Variants in SCN7A observed in about 807,000 individuals in gnomAD.
SCN7A encodes sodium voltage-gated channel alpha subunit 7, also known as sodium channel protein type 7 subunit alpha.
Under a neutral mutation model 155.2 loss-of-function variants are expected in SCN7A, and 138 were observed. The ratio of observed to expected loss-of-function variants is 0.89; its 90% CI spans 0.77 to 1.02. The LOEUF is 1.02. SCN7A is among the 50% of genes least tolerant of loss of function. The pLI is 0.00. For missense variants in SCN7A, 2,058 were observed against 1,986.6 expected (o/e 1.04, Z -0.68); for synonymous variants, 693 against 649.0 (o/e 1.07, Z -1.03).
intron 15 of SCN7A, among the ~76,000 whole-genome samples, chr2:166,439,335 A>G (rs1168722649): frequency 1.3e-5 from 2 of 152,034 alleles, no homozygotes; most frequent in Non-Finnish European, 2.9e-5. Flanking sequence ...AAGAATGGGC[A>G]TGTGATTCAG....
Position 166,457,072 on chromosome 2 carries a change from A to G in SCN7A, c.1088T>C (p.Leu363Pro). The G allele has an allele frequency of 6.2e-6, 10 of 1,600,624 alleles. No homozygotes were observed. The highest frequency in any genetic ancestry group is 8.5e-6 in the Non-Finnish European group (10 of 1,172,708). ...CATGTAGACCTTCCCAGAAGCATAA[A>G]GTATCTAAGGAAAGGTAGAAAGTAA... ...DYPEVLYHQI[L>P]YASGKVYMIF... The change falls in exon 11 of 26, where the codon CTT becomes CCT. Residue 363 changes from leucine (L) to proline (P), a missense_variant. Transcript: ENST00000643258.
At chr2:166,475,041 T>C (rs1240778499) in intron 3 of SCN7A, among the ~76,000 whole-genome samples, 2 of 143,232 alleles carry the variant, frequency 1.4e-5, no homozygotes, top group Non-Finnish European at 3.1e-5. Flanking sequence ...TATATATATA[T>C]ACCTGTAAAT....
At chr2:166,460,151 G>T (rs1702370330) in intron 10 of SCN7A, among the ~76,000 whole-genome samples, 1 of 152,100 alleles carries the variant, frequency 6.6e-6, no homozygotes, top group South Asian at 2.1e-4. Flanking sequence ...AAAACTTGGA[G>T]TACAATAATG....
Position 166,416,867 on chromosome 2 carries a change from T to C in SCN7A, c.3254A>G (p.Tyr1085Cys), listed in dbSNP as rs1701389408. 1.2e-6 allele frequency: 2 copies of C among 1,613,634 alleles called. No homozygotes were observed. The highest frequency in any genetic ancestry group is 1.7e-6 in the Non-Finnish European group (2 of 1,179,716). Residue 1085 changes from tyrosine to cysteine, a missense_variant, in exon 21 of 26, where the codon TAT becomes TGT. By Grantham distance (194) the Tyr-to-Cys change is radical. Coordinates refer to ENST00000643258, the MANE Select transcript of SCN7A (RefSeq NM_002976.4). ...TCCACTTGTTGGGTCAATGCATTCATAGAATCTGCCAGCAAATAAGTCTAC... is the reference window on the plus strand; with the variant it reads ...TCCACTTGTTGGGTCAATGCATTCACAGAATCTGCCAGCAAATAAGTCTAC... ...MGVDLFAGRF[Y>C]ECIDPTSGER...
rs150995743 is a variant in SCN7A, at chr2:166,448,454, C to T, written c.1291-746G>A. ...TTTCTTCAATATGCTGACTTTCTTT[C>T]TTTTGAGTACATACCCTGCAGTGGG... On this transcript the variant is annotated intron_variant, in intron 11 of 25. Coordinates refer to ENST00000643258, the MANE Select transcript of SCN7A (RefSeq NM_002976.4). 3.3e-3 allele frequency among the ~76,000 whole-genome samples: 503 copies of T among 152,176 alleles called. 6 individuals are homozygous for T. The highest frequency in any genetic ancestry group is 0.011 in the African/African-American group (469 of 41,532).
intron 3 of SCN7A, among the ~76,000 whole-genome samples, chr2:166,475,063 C>T (rs1702751456): frequency 6.2e-5 from 6 of 96,182 alleles, no homozygotes; most frequent in South Asian, 6.5e-4. Context: ...AGCAAGTTTG[C>T]ATATTTTTAT....
intron 2 of SCN7A, among the ~76,000 whole-genome samples, chr2:166,481,683 T>C (rs1702930827): frequency 6.6e-6 from 1 of 152,150 alleles, no homozygotes; most frequent in Non-Finnish European, 1.5e-5. Flanking sequence ...GAAAGGCATG[T>C]CAACAAACTG....
chr2:166,410,232 T>A lies in SCN7A; in HGVS notation c.3699A>T (p.Val1233=). Residue 1233 remains valine (V), a synonymous_variant, in exon 24 of 26, where the codon GTA becomes GTT. Coordinates refer to ENST00000643258, the MANE Select transcript of SCN7A (RefSeq NM_002976.4). ...GACATTTTCTTACTAATGGGCGAGG[T>A]ACTGGTCTTTGAGAATCCTCATACA... The part of the protein sequence containing the change: ...KLMYEDSQRP[V]PRPLNKLQGF... 6.4e-7 allele frequency: 1 copy of A among 1,551,550 alleles called. No homozygotes were observed. Among genetic ancestry groups the A allele is most frequent in the South Asian group, 1.2e-5 (1 of 83,794 alleles).
In SCN7A at chr2:166,428,518, C is replaced by T. The variant is rs1042366972; in HGVS notation, c.2699-576G>A. Among the ~76,000 whole-genome samples the T allele has an allele frequency of 7.2e-5, 11 of 151,960 alleles. No homozygotes were observed. The East Asian group carries it at 1.4e-3, about 19-fold the overall frequency. ...ACTTTGTGGGTAGAGTACATGTGTACGGGGCTGCACTCTGCGCTCTGGCCA... is the reference window on the plus strand; with the variant it reads ...ACTTTGTGGGTAGAGTACATGTGTATGGGGCTGCACTCTGCGCTCTGGCCA... On this transcript the variant is annotated intron_variant, in intron 17 of 25. Transcript: ENST00000643258.
intron 18 of SCN7A, among the ~76,000 whole-genome samples, chr2:166,424,614 C>T (rs1701583249): frequency 6.6e-6 from 1 of 151,970 alleles, no homozygotes; most frequent in African/African-American, 2.4e-5. Flanking sequence ...TATAAGTATA[C>T]ATCTGTATGT....
intron 15 of SCN7A, among the ~76,000 whole-genome samples, chr2:166,437,268 C>T (rs941159424): frequency 5.3e-5 from 8 of 152,188 alleles, no homozygotes; most frequent in Non-Finnish European, 1.0e-4. Flanking sequence ...TAGGCCATCA[C>T]TTCGGAGTGT....
At chr2:166,475,093 C>CATATATATATGTATATATATAT (rs1553520518) in intron 3 of SCN7A, among the ~76,000 whole-genome samples, 1 of 129,562 alleles carries the variant, frequency 7.7e-6, no homozygotes, top group Non-Finnish European at 1.6e-5. Flanking sequence ...TATATATATA[C>CATATATATATGTATATATATAT]ACATATATAT....
At chr2:166,423,185 A>T in intron 19 of SCN7A, 74 bp downstream of exon 19, 1 of 1,414,552 alleles carries the variant, frequency 7.1e-7, no homozygotes, top group Non-Finnish European at 9.7e-7. Flanking sequence ...TAACAAACTG[A>T]CAGGAAGTGA....
At chr2:166,478,732 T>C (rs1344228627) in intron 2 of SCN7A, among the ~76,000 whole-genome samples, 2 of 152,058 alleles carry the variant, frequency 1.3e-5, no homozygotes, top group Non-Finnish European at 2.9e-5. Flanking sequence ...TATTTATATA[T>C]GTCCTTGAAC....
At chr2:166,458,683 G>A (rs902924387) in intron 10 of SCN7A, among the ~76,000 whole-genome samples, 1 of 151,960 alleles carries the variant, frequency 6.6e-6, no homozygotes, top group Non-Finnish European at 1.5e-5. Flanking sequence ...CAAATACTTG[G>A]CACAGTGTTC....
chr2:166,455,969 G>T lies in SCN7A; in HGVS notation c.1290+901C>A, dbSNP rs145124294. ...TGCCAGTATCGTTAGACTACATAAA[G>T]AAAATGTGGCACATATACACCATGA... is the stretch of plus-strand genomic sequence containing the variant. On this transcript the variant is annotated intron_variant, in intron 11 of 25. Transcript: ENST00000643258. Among the ~76,000 whole-genome samples, 3 of 152,212 alleles carry T rather than the reference G, an allele frequency of 2.0e-5. No individual in the cohort carries two copies. The East Asian group carries it at 5.8e-4, about 29-fold the overall frequency.
intron 2 of SCN7A, among the ~76,000 whole-genome samples, chr2:166,484,720 A>T (rs1703007482): frequency 6.6e-6 from 1 of 152,046 alleles, no homozygotes. Flanking sequence ...ATAATGATTA[A>T]GCATGATCAC....
rs894690839 is a variant in SCN7A at position 166,404,733 on chromosome 2, G to A, written c.*847C>T. ...TGGTAAAAATACATCAATTTCATAA[G>A]GTAAAGCTTGAGTCTATTAACATGT... is the stretch of plus-strand genomic sequence containing the variant. On this transcript the variant is annotated 3_prime_UTR_variant, in exon 26 of 26. Coordinates refer to ENST00000643258, the MANE Select transcript of SCN7A (RefSeq NM_002976.4). The A allele has an allele frequency of 4.1e-5, 6 of 147,348 alleles. No individual in the cohort carries two copies. In the East Asian group the frequency reaches 1.2e-3, roughly 30 times the overall value. 9.1% of individuals were successfully genotyped at this position (147,348 alleles called of 1,614,324 possible).
At chr2:166,459,764 G>A (rs1349247472) in intron 10 of SCN7A, among the ~76,000 whole-genome samples, 1 of 152,052 alleles carries the variant, frequency 6.6e-6, no homozygotes, top group Non-Finnish European at 1.5e-5. Flanking sequence ...AAGAAAATGT[G>A]GCACATATAC....
Sources: gnomAD v4.1 joint callset for allele counts (sites outside exome capture counted in the v4.1 genomes callset) on GRCh38, gnomAD v4.1.1 for gene constraint, MANE v1.5 for transcripts, NCBI Gene and HGNC (gene_info 2026-07-23, HGNC 2026-07-21) for gene names.